Variants in FRMD4A observed in about 807,000 individuals in gnomAD.
FRMD4A encodes the protein FERM domain containing 4A, also known as FERM domain-containing protein 4A.
Under a neutral mutation model 129.1 loss-of-function variants are expected in FRMD4A, and 29 were observed. The observed-to-expected ratio is 0.22, with a 90% CI of 0.17 to 0.31. The LOEUF is 0.31. FRMD4A is among the 10% of genes least tolerant of loss of function. The pLI is 1.00. For missense variants in FRMD4A, 1,272 were observed against 1,375.8 expected (o/e 0.92, Z 1.19); for synonymous variants, 634 against 571.6 (o/e 1.11, Z -1.56).
intron 2 of FRMD4A, among the ~76,000 whole-genome samples, chr10:14,098,514 C>T (rs1837122374): frequency 6.6e-6 from 1 of 152,136 alleles, no homozygotes. Flanking sequence ...CGCCATTCTC[C>T]TGCCTCAGCC....
chr10:14,081,330 T>G (rs1311221399), intron 2 of FRMD4A, among the ~76,000 whole-genome samples: 1 of 152,130 alleles, frequency 6.6e-6, no homozygotes, highest in Admixed American at 6.6e-5. Flanking sequence ...TGTACCTCCT[T>G]CAGGGTCTGG....
intron 2 of FRMD4A, among the ~76,000 whole-genome samples, chr10:14,219,730 C>T (rs1843185940): frequency 6.6e-6 from 1 of 152,132 alleles, no homozygotes; most frequent in Non-Finnish European, 1.5e-5. Flanking sequence ...TTCAGAAGTG[C>T]CCAGGGCAAG....
At chr10:14,223,094 A>G (rs1028470440) in intron 2 of FRMD4A, among the ~76,000 whole-genome samples, 9 of 152,122 alleles carry the variant, frequency 5.9e-5, no homozygotes, top group African/African-American at 2.2e-4. Context: ...TCTGTCTCAA[A>G]AACAACAACA....
At chr10:13,750,113 A>AAATG (rs762354382) in intron 8 of FRMD4A, among the ~76,000 whole-genome samples, 2,945 of 106,910 alleles carry the variant, frequency 0.028, 58 homozygotes, top group Middle Eastern at 0.051. Context: ...AGAAATGAAG[A>AAATG]AAGAAAGAAA....
At chr10:14,185,316 T>C (rs749788306) in intron 2 of FRMD4A, among the ~76,000 whole-genome samples, 4 of 152,202 alleles carry the variant, frequency 2.6e-5, no homozygotes, top group Non-Finnish European at 5.9e-5. Flanking sequence ...AGATAGAGTC[T>C]TTCATTTTTT....
At chr10:14,218,556 T>A (rs996185143) in intron 2 of FRMD4A, among the ~76,000 whole-genome samples, 3 of 152,158 alleles carry the variant, frequency 2.0e-5, no homozygotes, top group African/African-American at 7.2e-5. Context: ...AGGGCTGGAT[T>A]AAGGTGTGTC....
At chr10:13,827,899 G>GCC (rs2093727679) in intron 3 of FRMD4A, among the ~76,000 whole-genome samples, 1 of 152,170 alleles carries the variant, frequency 6.6e-6, no homozygotes, top group African/African-American at 2.4e-5. Context: ...CTCAACTGCT[G>GCC]TCTGGCTGCT....
At chr10:14,083,711 C>G (rs1836070937) in intron 2 of FRMD4A, 1 of 152,180 alleles carries the variant, frequency 6.6e-6, no homozygotes, top group South Asian at 2.1e-4. Flanking sequence ...ATGCTTCCGG[C>G]AGATTGCTCT....
At chr10:14,114,421 T>C (rs1041834230) in intron 2 of FRMD4A, among the ~76,000 whole-genome samples, 1 of 152,204 alleles carries the variant, frequency 6.6e-6, no homozygotes, top group African/African-American at 2.4e-5. Context: ...TGTCCATCAT[T>C]TGGAAGATGG....
At chr10:14,298,349 T>C (rs1846076225) in intron 2 of FRMD4A, among the ~76,000 whole-genome samples, 1 of 152,186 alleles carries the variant, frequency 6.6e-6, no homozygotes, top group Admixed American at 6.5e-5. Flanking sequence ...GTTTTGATTA[T>C]AAACAGAGCA....
At chr10:14,064,157 A>G (rs1259539824) in intron 2 of FRMD4A, among the ~76,000 whole-genome samples, 1 of 152,250 alleles carries the variant, frequency 6.6e-6, no homozygotes, top group Non-Finnish European at 1.5e-5. Context: ...ACAGCCCAAC[A>G]GTGGCCAAGT....
intron 2 of FRMD4A, among the ~76,000 whole-genome samples, chr10:14,162,480 G>C (rs1196424462): frequency 6.6e-6 from 1 of 152,196 alleles, no homozygotes. Context: ...CACATATGAG[G>C]AATGAACGAG....
At chr10:14,018,413 G>C (rs2131642905) in intron 2 of FRMD4A, among the ~76,000 whole-genome samples, 1 of 127,386 alleles carries the variant, frequency 7.9e-6, no homozygotes, top group Non-Finnish European at 1.5e-5. Flanking sequence ...CCGAGGTCGT[G>C]CCACTGCACT....
At chr10:13,758,783 T>A (rs2091957348) in intron 8 of FRMD4A, among the ~76,000 whole-genome samples, 1 of 152,190 alleles carries the variant, frequency 6.6e-6, no homozygotes. Flanking sequence ...GAAGCTGGAT[T>A]TTAGTTGAAC....
intron 2 of FRMD4A, among the ~76,000 whole-genome samples, chr10:13,993,020 A>C (rs548262822): frequency 6.6e-6 from 1 of 151,644 alleles, no homozygotes; most frequent in South Asian, 2.1e-4. Flanking sequence ...TAGCCAACAT[A>C]TCCATTGATC....
At chr10:14,056,741 G>A (rs960783872) in intron 2 of FRMD4A, among the ~76,000 whole-genome samples, 5 of 152,030 alleles carry the variant, frequency 3.3e-5, no homozygotes, top group African/African-American at 4.8e-5. Flanking sequence ...CATCTGCCGC[G>A]GCTCTTTCAT....
intron 2 of FRMD4A, among the ~76,000 whole-genome samples, chr10:13,906,320 C>T (rs2094881653): frequency 6.6e-6 from 1 of 152,166 alleles, no homozygotes; most frequent in Non-Finnish European, 1.5e-5. Flanking sequence ...ACACAGAGTG[C>T]AATAACACAG....
intron 2 of FRMD4A, among the ~76,000 whole-genome samples, chr10:14,123,987 G>A (rs1186724898): frequency 3.9e-5 from 6 of 152,038 alleles, no homozygotes; most frequent in African/African-American, 7.2e-5. Flanking sequence ...AGAGGATTCC[G>A]TAAAATGCCA....
chr10:14,248,140 A>G (rs541006367), intron 2 of FRMD4A, among the ~76,000 whole-genome samples: 101 of 152,326 alleles, frequency 6.6e-4, no homozygotes, highest in Non-Finnish European at 1.3e-3. Flanking sequence ...TGGTAGGCAG[A>G]GGCATAAGTG....
Sources: gnomAD v4.1 joint callset for allele counts (sites outside exome capture counted in the v4.1 genomes callset) on GRCh38, gnomAD v4.1.1 for gene constraint, MANE v1.5 for transcripts, NCBI Gene and HGNC (gene_info 2026-07-23, HGNC 2026-07-21) for gene names.